The following MRGBP variants were observed in gnomAD, a reference collection of about 807,000 sequenced individuals.
MRGBP encodes the protein MRG domain binding protein, also known as MRG/MORF4L-binding protein.
Under a neutral mutation model 21.5 loss-of-function variants are expected in MRGBP, and 5 were observed. The ratio of observed to expected loss-of-function variants is 0.23; its 90% CI spans 0.12 to 0.49. MRGBP has a LOEUF of 0.49. MRGBP is among the 20% of genes least tolerant of loss of function. MRGBP has a pLI of 0.98. For synonymous variants in MRGBP, 118 were observed against 104.4 expected (o/e 1.13, Z -0.79); for missense variants, 227 against 277.4 (o/e 0.82, Z 1.29).
At position 62,799,493 on chromosome 20, in the gene MRGBP, A is replaced by C. The variant is rs137896518; in HGVS notation, c.465A>C (p.Glu155Asp). Residue 155 changes from glutamate (E) to aspartate (D), a missense_variant, in exon 5 of 5, where the codon GAA becomes GAC. This residue lies in a region of MRGBP where 162 missense variants were observed against 227.7 expected (regional missense o/e 0.71). Coordinates refer to ENST00000370487, the MANE Select transcript of MRGBP (RefSeq NM_018270.6). ...SSSGSLGKAS[E>D]KSSKDKEKNS... ...CAGGGAGTTTGGGGAAAGCATCAGA[A>C]AAATCCAGCAAAGACAAAGAGAAGA... 19 of 1,613,524 alleles carry C rather than the reference A, an allele frequency of 1.2e-5. No homozygotes were observed. The African/African-American group carries it at 2.5e-4, about 22-fold the overall frequency.
rs1052339028 is a variant in MRGBP at position 62,798,264 on chromosome 20, G to A, written c.271-323G>A. Among the ~76,000 whole-genome samples the A allele has an allele frequency of 3.4e-4, 51 of 152,160 alleles. 3 individuals carry two copies. The highest frequency in any genetic ancestry group is 1.5e-5 in the Non-Finnish European group (1 of 68,024). On this transcript the variant is annotated intron_variant, in intron 2 of 4. Transcript: ENST00000370487. ...AGACTGCAGGCCGTGCTGGGCAGGC[G>A]GAGCCCACAGGTGTGTGTCACCAGG...
rs1376105758 is a variant in MRGBP at position 62,800,129 on chromosome 20, C to G, written c.*486C>G. The stretch of plus-strand genomic sequence containing the variant: ...CATCTGTTTGTCCCGCTGCAAGCCT[C>G]TTTCTGCGCTGACTGTGACATTGGA... On this transcript the variant is annotated 3_prime_UTR_variant, in exon 5 of 5. Coordinates refer to ENST00000370487, the MANE Select transcript of MRGBP (RefSeq NM_018270.6). The G allele has an allele frequency of 6.5e-6, 1 of 153,804 alleles. No homozygotes were observed. Among genetic ancestry groups the G allele is most frequent in the Non-Finnish European group, 1.4e-5 (1 of 69,016 alleles). 9.5% of individuals were successfully genotyped at this position (153,804 alleles called of 1,614,324 possible). A position where few individuals can be genotyped will look rare whatever the true frequency, so the allele number is the denominator to read the frequency against.
intron 2 of MRGBP, 150 bp from the exon 3 acceptor site, chr20:62,798,437 C>T (rs1990382198): frequency 1.6e-5 from 10 of 644,938 alleles, no homozygotes; most frequent in Non-Finnish European, 2.5e-5. Context: ...GAAGAAATGC[C>T]CTTTGCCCTT....
At position 62,799,636 on chromosome 20, in the gene MRGBP, G is replaced by A. The variant is rs1476085570; in HGVS notation, c.608G>A (p.Arg203His). 5.0e-6 allele frequency: 8 copies of A among 1,610,356 alleles called. No individual in the cohort carries two copies. Among genetic ancestry groups the A allele is most frequent in the African/African-American group, 1.3e-5 (1 of 74,872 alleles). The change falls in exon 5 of 5, where the codon CGC becomes CAC. Residue 203 changes from arginine (R) to histidine (H), a missense_variant. Physicochemically the swap from Arg to His is conservative, Grantham distance 29 (BLOSUM62 0). Around this residue, in one of 2 missense-constraint regions of MRGBP, gnomAD observed 162 missense variants for 227.7 expected, o/e 0.71. Transcript: ENST00000370487. The stretch of plus-strand genomic sequence containing the variant: ...AGTCCCAGTGCTGCCAAGCGGCGCC[G>A]CACGTAGACCCTCAGCCCTGGTGGC... ...PSSPSAAKRR[R>H]T
Position 62,798,571 on chromosome 20 carries a change from C to T in MRGBP, c.271-16C>T, listed in dbSNP as rs2147175165. On this transcript the variant is annotated splice_polypyrimidine_tract_variant and intron_variant, in intron 2 of 4. Coordinates refer to ENST00000370487, the MANE Select transcript of MRGBP (RefSeq NM_018270.6). ...TCACCCTTGTTTCTTAAACAAAACTCTCTATTTGATATCAGCATGAGTCTG... is the reference window on the plus strand; with the variant it reads ...TCACCCTTGTTTCTTAAACAAAACTTTCTATTTGATATCAGCATGAGTCTG... 2 of 1,608,608 alleles carry T rather than the reference C, an allele frequency of 1.2e-6. No individual in the cohort carries two copies. The highest frequency in any genetic ancestry group is 1.7e-6 in the Non-Finnish European group (2 of 1,175,420).
At position 62,799,852 on chromosome 20, in the gene MRGBP, G is replaced by A; in HGVS notation, c.*209G>A. The A allele has an allele frequency of 1.8e-6, 1 of 570,822 alleles. No homozygotes were observed. Among genetic ancestry groups the A allele is most frequent in the Non-Finnish European group, 3.1e-6 (1 of 325,392 alleles). 35.4% of individuals were successfully genotyped at this position (570,822 alleles called of 1,614,324 possible). A position where few individuals can be genotyped will look rare whatever the true frequency, so the allele number is the denominator to read the frequency against. ...GACCATGTGGGACCCTGATGGACCT[G>A]AAAGACCAGGATCGGTCCAGCTCAG... On this transcript the variant is annotated 3_prime_UTR_variant, in exon 5 of 5. Transcript: ENST00000370487.
At position 62,800,426 on chromosome 20, in the gene MRGBP, G is replaced by T. The variant is rs931431688; in HGVS notation, c.*783G>T. On this transcript the variant is annotated 3_prime_UTR_variant, in exon 5 of 5. Coordinates refer to ENST00000370487, the MANE Select transcript of MRGBP (RefSeq NM_018270.6). ...GCTCAGTTTTTATATGCCAGATACA[G>T]AGAATTTGTAGCGGTTATTTTTGTA... 1 of 152,496 alleles carries T rather than the reference G, an allele frequency of 6.6e-6. No homozygotes were observed. The highest frequency in any genetic ancestry group is 2.4e-5 in the African/African-American group (1 of 41,436). 9.4% of individuals were successfully genotyped at this position (152,496 alleles called of 1,614,324 possible).
At position 62,796,627 on chromosome 20, in the gene MRGBP, T is replaced by C; in HGVS notation, c.104T>C (p.Val35Ala). Residue 35 changes from valine (V) to alanine (A), a missense_variant, in exon 1 of 5, where the codon GTG becomes GCG. By Grantham distance (64) the Val-to-Ala change is moderately conservative. Around this residue, in one of 2 missense-constraint regions of MRGBP, gnomAD observed 65 missense variants for 49.7 expected, o/e 1.31. Transcript: ENST00000370487. ...AEETVVWSPEVEVCLFHAMLG... is the reference protein window; with the variant it reads ...AEETVVWSPEAEVCLFHAMLG... ...GAGACAGTGGTGTGGAGCCCCGAGG[T>C]GGAGGTGTGCCTCTTCCACGCCATG... is the stretch of plus-strand genomic sequence containing the variant. The C allele has an allele frequency of 7.5e-7, 1 of 1,335,902 alleles. No homozygotes were observed. The highest frequency in any genetic ancestry group is 9.6e-7 in the Non-Finnish European group (1 of 1,040,060). 82.8% of individuals were successfully genotyped at this position (1,335,902 alleles called of 1,614,324 possible).
rs957403502 is a variant in MRGBP, at chr20:62,796,498, G to C, written c.-26G>C. The C allele has an allele frequency of 1.8e-6, 2 of 1,126,438 alleles. No homozygotes were observed. The highest frequency in any genetic ancestry group is 1.6e-5 in the African/African-American group (1 of 60,668). 69.8% of individuals were successfully genotyped at this position (1,126,438 alleles called of 1,614,324 possible). A position where few individuals can be genotyped will look rare whatever the true frequency, so the allele number is the denominator to read the frequency against. On this transcript the variant is annotated 5_prime_UTR_variant, in exon 1 of 5. Coordinates refer to ENST00000370487, the MANE Select transcript of MRGBP (RefSeq NM_018270.6). ...GTGGCCGCGCCTGCTCCCGCCGGGG[G>C]CTCCTTGCTCGGCCGGGCCGCGGCC...
chr20:62,801,000 C>G lies in MRGBP; in HGVS notation c.*1357C>G, dbSNP rs1990448241. On this transcript the variant is annotated 3_prime_UTR_variant, in exon 5 of 5. Transcript: ENST00000370487. ...TGACGTTGCTTCTCTGCCAGTGGAGCCTCCTCCACCACCTGGGAACATCCC... is the reference window on the plus strand; with the variant it reads ...TGACGTTGCTTCTCTGCCAGTGGAGGCTCCTCCACCACCTGGGAACATCCC... 1.3e-5 allele frequency: 2 copies of G among 152,218 alleles called. No homozygotes were observed. Among genetic ancestry groups the G allele is most frequent in the Admixed American group, 6.5e-5 (1 of 15,274 alleles). The allele number at this position is 152,218 out of a possible 1,614,324, so 9.4% of individuals were successfully genotyped here. A position where few individuals can be genotyped will look rare whatever the true frequency, so the allele number is the denominator to read the frequency against.
Position 62,798,920 on chromosome 20 carries a change from C to G in MRGBP, c.353-55C>G, listed in dbSNP as rs1990393818. On this transcript the variant is annotated intron_variant, in intron 3 of 4. Coordinates refer to ENST00000370487, the MANE Select transcript of MRGBP (RefSeq NM_018270.6). The stretch of plus-strand genomic sequence containing the variant: ...GAGCAGTCCCTGGCCTGACCATCCC[C>G]CAGCGTCGGCCACCACCGTGGGTTT... 16 of 1,610,174 alleles carry G rather than the reference C, an allele frequency of 9.9e-6. 1 individual carries two copies. In the South Asian group the frequency reaches 1.7e-4, roughly 17 times the overall value.
intron 4 of MRGBP, 62 bp downstream of exon 4, chr20:62,799,111 C>A: frequency 6.6e-7 from 1 of 1,523,530 alleles, no homozygotes; most frequent in Non-Finnish European, 8.9e-7. Flanking sequence ...AGACTGCCTT[C>A]AGGCAGGGCA....
Position 62,799,690 on chromosome 20 carries a change from C to A in MRGBP, c.*47C>A. On this transcript the variant is annotated 3_prime_UTR_variant, in exon 5 of 5. Transcript: ENST00000370487. The stretch of plus-strand genomic sequence containing the variant: ...AGAGAAGCGGGCGAGGCACTGTGGT[C>A]GCTGAGGGGGTTGGCTGGGTCTGAG... 2.6e-6 allele frequency: 4 copies of A among 1,568,420 alleles called. No homozygotes were observed. In the South Asian group the frequency reaches 3.5e-5, roughly 14 times the overall value.
Position 62,799,954 on chromosome 20 carries a change from A to G in MRGBP, c.*311A>G, listed in dbSNP as rs142144651. 6.3e-6 allele frequency: 2 copies of G among 318,572 alleles called. No individual in the cohort carries two copies. The highest frequency in any genetic ancestry group is 1.2e-5 in the Non-Finnish European group (2 of 172,336). 19.7% of individuals were successfully genotyped at this position (318,572 alleles called of 1,614,324 possible). On this transcript the variant is annotated 3_prime_UTR_variant, in exon 5 of 5. Transcript: ENST00000370487. ...TCCCCGTGGCTGCTTGGTGACATGG[A>G]TTAGCGCTACGTGGGCTGCAGCATT...
At chr20:62,797,053 T>A in intron 1 of MRGBP, 57 bp from the exon 2 acceptor site, 6 of 1,158,346 alleles carry the variant, frequency 5.2e-6, no homozygotes, top group African/African-American at 2.3e-5. Flanking sequence ...GCCCGTCCCC[T>A]CCATCCCCTT....
Position 62,797,010 on chromosome 20 carries a change from G to C in MRGBP, c.149-100G>C. 7 of 446,148 alleles carry C rather than the reference G, an allele frequency of 1.6e-5. No homozygotes were observed. The South Asian group carries it at 2.8e-4, about 18-fold the overall frequency. 27.6% of individuals were successfully genotyped at this position (446,148 alleles called of 1,614,324 possible). Reference sequence around the variant, plus strand: ...ACACCCTGGCCCTCCCCATCTCTCCGCAGCCACCCTTGCCCCTCCAGTCCC... The same window carrying C: ...ACACCCTGGCCCTCCCCATCTCTCCCCAGCCACCCTTGCCCCTCCAGTCCC... On this transcript the variant is annotated intron_variant, in intron 1 of 4. Transcript: ENST00000370487.
At chr20:62,798,174 G>A (rs1032485762) in intron 2 of MRGBP, among the ~76,000 whole-genome samples, 2 of 152,178 alleles carry the variant, frequency 1.3e-5, no homozygotes, top group East Asian at 1.9e-4. Flanking sequence ...AGGTGCCTGC[G>A]GCCTTTCCCC....
In MRGBP at chr20:62,800,017, A is replaced by C. The variant is rs1454857064; in HGVS notation, c.*374A>C. The stretch of plus-strand genomic sequence containing the variant: ...TACCTAGAGGGGCATCGGGCCAGGG[A>C]AAACCTCGGATTAGCAAGCAATAAA... On this transcript the variant is annotated 3_prime_UTR_variant, in exon 5 of 5. Coordinates refer to ENST00000370487, the MANE Select transcript of MRGBP (RefSeq NM_018270.6). 5.1e-6 allele frequency: 1 copy of C among 195,066 alleles called. No individual in the cohort carries two copies. The highest frequency in any genetic ancestry group is 5.8e-5 in the Admixed American group (1 of 17,260). 12.1% of individuals were successfully genotyped at this position (195,066 alleles called of 1,614,324 possible).
chr20:62,797,984 G>A (rs1568731320), intron 2 of MRGBP, among the ~76,000 whole-genome samples: 2 of 151,806 alleles, frequency 1.3e-5, no homozygotes, highest in Admixed American at 1.3e-4. Context: ...TGCCAGCCAC[G>A]TTGGACTCAG....
Sources: gnomAD v4.1 joint callset for allele counts (sites outside exome capture counted in the v4.1 genomes callset) on GRCh38, gnomAD v4.1.1 for gene constraint, gnomAD v4.1.1 regional missense constraint, MANE v1.5 for transcripts, NCBI Gene and HGNC (gene_info 2026-07-23, HGNC 2026-07-21) for gene names.